Variants in DOCK8 observed in about 807,000 individuals in gnomAD.
DOCK8 encodes the protein dedicator of cytokinesis 8.
Under a neutral mutation model 245.6 loss-of-function variants are expected in DOCK8, and 141 were observed. That is an observed-to-expected ratio of 0.57 (90% CI 0.50 to 0.66). The LOEUF is 0.66. Among genes scored for constraint, DOCK8 ranks in the 30% least tolerant of loss-of-function variants. The pLI is 0.00. For synonymous variants in DOCK8, 1,168 were observed against 970.2 expected (o/e 1.20, Z -3.79); for missense variants, 2,965 against 2,603.4 (o/e 1.14, Z -3.02).
rs547943883 is a variant in DOCK8, at chr9:418,353, C to T, written c.3840+146C>T. 4.5e-4 allele frequency: 497 copies of T among 1,110,486 alleles called. 2 individuals are homozygous for T. Among genetic ancestry groups the T allele is most frequent in the South Asian group, 2.7e-3 (215 of 80,260 alleles). 68.8% of individuals were successfully genotyped at this position (1,110,486 alleles called of 1,614,324 possible). A position where few individuals can be genotyped will look rare whatever the true frequency, so the allele number is the denominator to read the frequency against. On this transcript the variant is annotated intron_variant, in intron 30 of 47. Coordinates refer to ENST00000432829, the MANE Select transcript of DOCK8 (RefSeq NM_203447.4). ...GTGGCGCAATCTCAGTTCACTGCAACCTCCGCCTCCCGGGTTCTTCATGCC... is the reference window on the plus strand; with the variant it reads ...GTGGCGCAATCTCAGTTCACTGCAATCTCCGCCTCCCGGGTTCTTCATGCC...
At chr9:284,816 T>C (rs541903154) in intron 2 of DOCK8, among the ~76,000 whole-genome samples, 16 of 152,306 alleles carry the variant, frequency 1.1e-4, no homozygotes, top group African/African-American at 3.8e-4. Flanking sequence ...CTGGAGGCTA[T>C]TATCCTTTGC....
At chr9:463,252 G>A (rs1320352287) in intron 46 of DOCK8, among the ~76,000 whole-genome samples, 15 of 142,210 alleles carry the variant, frequency 1.1e-4, no homozygotes, top group Admixed American at 7.5e-4. Flanking sequence ...AGTGAGCCCC[G>A]TCTCAAAAAA....
At chr9:331,453 C>T (rs2051009290) in intron 9 of DOCK8, among the ~76,000 whole-genome samples, 1 of 152,174 alleles carries the variant, frequency 6.6e-6, no homozygotes, top group Non-Finnish European at 1.5e-5. Flanking sequence ...ATAAATGCCC[C>T]TTTATCATGG....
At position 306,113 on chromosome 9, in the gene DOCK8, T is replaced by C. The variant is rs2049814985; in HGVS notation, c.528+1409T>C. On this transcript the variant is annotated intron_variant, in intron 5 of 47. Coordinates refer to ENST00000432829, the MANE Select transcript of DOCK8 (RefSeq NM_203447.4). The stretch of plus-strand genomic sequence containing the variant: ...ATAAAATTGAGAAGAAAAAATTTGT[T>C]CAAGTTTGCACAGAACTTCTTGTAA... 2.6e-5 allele frequency among the ~76,000 whole-genome samples: 4 copies of C among 152,202 alleles called. No individual in the cohort carries two copies. In the South Asian group the frequency reaches 8.3e-4, roughly 32 times the overall value.
rs752270715 is a variant in DOCK8, at chr9:439,307, G to T, written c.5142G>T (p.Glu1714Asp). ...VVSEDTLSPD[E>D]DGVCAGQYFT... ...CTGAGGACACCCTGTCACCTGACGA[G>T]GATGGGGTGTGCGCAGGCCAGTACT... The change falls in exon 40 of 48, where the codon GAG (glutamate) becomes GAT (aspartate). Residue 1714 changes from glutamate (E) to aspartate (D), a missense_variant. Physicochemically the swap from Glu to Asp is conservative, Grantham distance 45. Transcript: ENST00000432829. 1 of 1,614,212 alleles carries T rather than the reference G, an allele frequency of 6.2e-7. No individual in the cohort carries two copies. Among genetic ancestry groups the T allele is most frequent in the Non-Finnish European group, 8.5e-7 (1 of 1,180,046 alleles).
chr9:364,778 CT>C (rs1321995789), intron 14 of DOCK8, among the ~76,000 whole-genome samples: 17 of 151,632 alleles, frequency 1.1e-4, no homozygotes, highest in Admixed American at 9.2e-4. Context: ...CTTTTATGTA[CT>C]TTTATGTTAT....
chr9:423,303 G>A (rs931201508), intron 33 of DOCK8, among the ~76,000 whole-genome samples: 1 of 152,126 alleles, frequency 6.6e-6, no homozygotes, highest in African/African-American at 2.4e-5. Flanking sequence ...ACATATGAAA[G>A]CTAAAAGTAT....
chr9:394,784 C>G (rs1051404395), intron 24 of DOCK8, among the ~76,000 whole-genome samples: 1 of 152,206 alleles, frequency 6.6e-6, no homozygotes, highest in Non-Finnish European at 1.5e-5. Flanking sequence ...GTGCCTCGCC[C>G]CACTCAACAG....
At chr9:306,901 G>A (rs998280121) in intron 5 of DOCK8, among the ~76,000 whole-genome samples, 2 of 152,136 alleles carry the variant, frequency 1.3e-5, no homozygotes, top group Non-Finnish European at 2.9e-5. Flanking sequence ...CCAGCTGGTG[G>A]TGTTGTCTCA....
In DOCK8 at chr9:260,908, C is replaced by T. The variant is rs187403948; in HGVS notation, c.54-10719C>T. Among the ~76,000 whole-genome samples the T allele has an allele frequency of 1.6e-3, 242 of 152,248 alleles. 5 individuals are homozygous for T. The highest frequency in any genetic ancestry group is 0.014 in the Admixed American group (212 of 15,294). On this transcript the variant is annotated intron_variant, in intron 1 of 47. Transcript: ENST00000432829. ...CTACAACATAGACGACTCTCAAGTACTGTATTCCCATTTGTGTAAATAAAA... is the reference window on the plus strand; with the variant it reads ...CTACAACATAGACGACTCTCAAGTATTGTATTCCCATTTGTGTAAATAAAA...
intron 14 of DOCK8, among the ~76,000 whole-genome samples, chr9:351,438 T>C (rs981927764): frequency 3.9e-5 from 6 of 152,190 alleles, no homozygotes; most frequent in African/African-American, 1.4e-4. Flanking sequence ...GGCTAGAAGA[T>C]AGTCTGCAGA....
At chr9:376,497 C>T (rs1457305620) in intron 19 of DOCK8, among the ~76,000 whole-genome samples, 192 bp downstream of exon 19, 9 of 152,146 alleles carry the variant, frequency 5.9e-5, no homozygotes. Flanking sequence ...ACAAAACCGC[C>T]GAGCACCTAA....
chr9:259,668 T>G (rs2047869001), intron 1 of DOCK8, among the ~76,000 whole-genome samples: 2 of 152,246 alleles, frequency 1.3e-5, no homozygotes, highest in South Asian at 4.1e-4. Flanking sequence ...CATCATTTTC[T>G]GTTTTCACAC....
At chr9:303,460 A>G (rs2049655915) in intron 4 of DOCK8, among the ~76,000 whole-genome samples, 1 of 152,244 alleles carries the variant, frequency 6.6e-6, no homozygotes, top group African/African-American at 2.4e-5. Flanking sequence ...CAGCCATAAC[A>G]AAGAACAAAA....
chr9:438,380 C>A (rs1225328082), intron 39 of DOCK8, among the ~76,000 whole-genome samples: 1 of 152,190 alleles, frequency 6.6e-6, no homozygotes, highest in East Asian at 1.9e-4. Flanking sequence ...ATGTGTGCCA[C>A]CTGTTTGTAA....
chr9:359,119 G>A (rs567828256), intron 14 of DOCK8, among the ~76,000 whole-genome samples: 3 of 152,292 alleles, frequency 2.0e-5, no homozygotes, highest in South Asian at 2.1e-4. Flanking sequence ...TGACGCTGAC[G>A]TTGATGCTGC....
In DOCK8 at chr9:240,912, A is replaced by G. The variant is rs114324533; in HGVS notation, c.53+25883A>G. On this transcript the variant is annotated intron_variant, in intron 1 of 47. Coordinates refer to ENST00000432829, the MANE Select transcript of DOCK8 (RefSeq NM_203447.4). Reference sequence around the variant, plus strand: ...GCTGTTATGAGAACTGAGTGAGACTATGTGGAAATTACCATACACATGTTT... The same window carrying G: ...GCTGTTATGAGAACTGAGTGAGACTGTGTGGAAATTACCATACACATGTTT... Among the ~76,000 whole-genome samples, 918 of 151,848 alleles carry G rather than the reference A, an allele frequency of 6.0e-3. 8 individuals are homozygous for G. The highest frequency in any genetic ancestry group is 0.031 in the Middle Eastern group (9 of 294).
chr9:313,474 CA>C (rs1179419254), intron 6 of DOCK8, among the ~76,000 whole-genome samples: 1 of 152,108 alleles, frequency 6.6e-6, no homozygotes, highest in Non-Finnish European at 1.5e-5. Flanking sequence ...ATTTTATTTG[CA>C]GTTTTTGTCA....
At chr9:373,859 CA>C (rs1005631580) in intron 18 of DOCK8, among the ~76,000 whole-genome samples, 5 of 152,214 alleles carry the variant, frequency 3.3e-5, no homozygotes, top group African/African-American at 1.2e-4. Flanking sequence ...CAACACCTTT[CA>C]GTATCCCTCA....
Sources: gnomAD v4.1 joint callset for allele counts (sites outside exome capture counted in the v4.1 genomes callset) on GRCh38, gnomAD v4.1.1 for gene constraint, MANE v1.5 for transcripts, NCBI Gene and HGNC (gene_info 2026-07-23, HGNC 2026-07-21) for gene names.